Variants in ELP2 observed in about 807,000 individuals in gnomAD.
ELP2 encodes elongator acetyltransferase complex subunit 2, also known as elongator complex protein 2.
A neutral mutation model predicts 119.2 loss-of-function variants in ELP2; 90 were observed. The observed-to-expected ratio is 0.75, with a 90% CI of 0.64 to 0.90. ELP2 has a LOEUF of 0.90. Ranked by LOEUF, ELP2 falls within the 40% of genes least tolerant of loss-of-function variation. ELP2 has a pLI of 0.00. For missense variants in ELP2, 921 were observed against 967.8 expected (o/e 0.95, Z 0.64); for synonymous variants, 339 against 331.0 (o/e 1.02, Z -0.26).
chr18:36,150,716 C>T (rs945045814), intron 11 of ELP2, among the ~76,000 whole-genome samples: 1 of 152,132 alleles, frequency 6.6e-6, no homozygotes, highest in African/African-American at 2.4e-5. Context: ...TTAGCATATC[C>T]AGTTAATATT....
chr18:36,146,482 C>T (rs1449833230), intron 11 of ELP2, 101 bp downstream of exon 11: 1 of 1,313,174 alleles, frequency 7.6e-7, no homozygotes, highest in Non-Finnish European at 1.1e-6. Context: ...ATAGTAGAGG[C>T]ACTTGAAGTT....
At chr18:36,168,217 A>T (rs1200816561) in intron 19 of ELP2, among the ~76,000 whole-genome samples, 1 of 152,164 alleles carries the variant, frequency 6.6e-6, no homozygotes, top group Non-Finnish European at 1.5e-5. Flanking sequence ...AAACACTTAC[A>T]TGTCAACCTC....
At chr18:36,167,062 T>C (rs750801529) in intron 18 of ELP2, 39 bp from the exon 19 acceptor site, 1 of 1,560,286 alleles carries the variant, frequency 6.4e-7, no homozygotes, top group Non-Finnish European at 8.6e-7. Context: ...AAACCCAGCT[T>C]TCTCTGCTTT....
chr18:36,173,780 A>G (rs1360307711), intron 21 of ELP2, among the ~76,000 whole-genome samples: 1 of 151,958 alleles, frequency 6.6e-6, no homozygotes, highest in Non-Finnish European at 1.5e-5. Context: ...TAGGTTTTTC[A>G]CTTTATTCCT....
intron 12 of ELP2, among the ~76,000 whole-genome samples, chr18:36,155,635 C>T (rs747781947): frequency 6.6e-6 from 1 of 151,786 alleles, no homozygotes; most frequent in Non-Finnish European, 1.5e-5. Flanking sequence ...AACTCCTGGC[C>T]TCAAGTGATC....
chr18:36,170,212 G>T lies in ELP2; in HGVS notation c.2210+16G>T, dbSNP rs1156766468. The T allele has an allele frequency of 4.3e-6, 7 of 1,613,996 alleles. No homozygotes were observed. The Admixed American group carries it at 1.0e-4, about 23-fold the overall frequency. The stretch of plus-strand genomic sequence containing the variant: ...CTTCTCAACGGTCAGTCTCTGTGTG[G>T]GGCTTAGTTTTAAGAGGACCACTTG... On this transcript the variant is annotated intron_variant, in intron 20 of 21. Coordinates refer to ENST00000358232, the MANE Select transcript of ELP2 (RefSeq NM_018255.4).
At chr18:36,142,021 A>G (rs993500591) in intron 6 of ELP2, among the ~76,000 whole-genome samples, 1 of 152,132 alleles carries the variant, frequency 6.6e-6, no homozygotes, top group African/African-American at 2.4e-5. Context: ...TATGTATAGT[A>G]TGTATCATTT....
chr18:36,170,333 A>AG, intron 20 of ELP2, 137 bp downstream of exon 20: 1 of 1,065,932 alleles, frequency 9.4e-7, no homozygotes, highest in Non-Finnish European at 1.3e-6. Flanking sequence ...TTGTTTTGAG[A>AG]TGGAGTCTCA....
At chr18:36,149,546 C>A (rs1201642964) in intron 11 of ELP2, among the ~76,000 whole-genome samples, 2 of 124,232 alleles carry the variant, frequency 1.6e-5, no homozygotes, top group Admixed American at 1.1e-4. Context: ...TTGTTGCAGG[C>A]CTGGTCCTGG....
chr18:36,147,081 GTTTTTTTTT>G lies in ELP2; in HGVS notation c.1125+713_1125+721del, dbSNP rs61330040. ...GTTCCTCATTTGTAAAACATGGGTA[GTTTTTTTTT>G]TTTTTTTTTTTTCTTTTAACAGGAT... On this transcript the variant is annotated intron_variant, in intron 11 of 21. Coordinates refer to ENST00000358232, the MANE Select transcript of ELP2 (RefSeq NM_018255.4). 3.2e-5 allele frequency among the ~76,000 whole-genome samples: 4 copies of G among 123,436 alleles called. No individual in the cohort carries two copies. In the East Asian group the frequency reaches 7.2e-4, roughly 22 times the overall value. 81.0% of individuals were successfully genotyped at this position (123,436 alleles called of 152,430 possible).
intron 12 of ELP2, 86 bp from the exon 13 acceptor site, chr18:36,156,380 G>GTA (rs1311689751): frequency 7.9e-7 from 1 of 1,266,338 alleles, no homozygotes; most frequent in East Asian, 2.4e-5. Flanking sequence ...TATTTCCATT[G>GTA]TATAGTAAAT....
chr18:36,158,489 T>TC (rs1336044656), intron 13 of ELP2: 1 of 224,648 alleles, frequency 4.5e-6, no homozygotes, highest in African/African-American at 2.3e-5. Context: ...CTCTGGGCCT[T>TC]CCATTTTCAG....
intron 17 of ELP2, among the ~76,000 whole-genome samples, chr18:36,162,077 G>T (rs555170349): frequency 6.6e-6 from 1 of 152,194 alleles, no homozygotes; most frequent in African/African-American, 2.4e-5. Flanking sequence ...ACTATAAATG[G>T]TATGTTTAAT....
At chr18:36,143,071 C>A in intron 8 of ELP2, 105 bp downstream of exon 8, 1 of 777,138 alleles carries the variant, frequency 1.3e-6, no homozygotes, top group Admixed American at 2.8e-5. Context: ...TCACAATTGT[C>A]AGATTCCTAC....
chr18:36,139,899 G>A (rs917555091), intron 5 of ELP2: 1 of 171,498 alleles, frequency 5.8e-6, no homozygotes. Flanking sequence ...CACTCAGGCT[G>A]GAGTGCAGTG....
intron 11 of ELP2, among the ~76,000 whole-genome samples, chr18:36,150,637 A>G (rs1457016972): frequency 6.6e-6 from 1 of 152,206 alleles, no homozygotes; most frequent in African/African-American, 2.4e-5. Flanking sequence ...GAAGTGGAGA[A>G]TTTATCCTTC....
At chr18:36,156,327 C>A in intron 12 of ELP2, 139 bp from the exon 13 acceptor site, 1 of 821,736 alleles carries the variant, frequency 1.2e-6, no homozygotes, top group Non-Finnish European at 2.0e-6. Flanking sequence ...CCAATACTGC[C>A]CAGTTGTGGT....
Position 36,154,868 on chromosome 18 carries a change from AT to A in ELP2, c.1146del (p.Ile382MetfsTer13). The stretch of plus-strand genomic sequence containing the variant: ...ATTGCAGAGAGAGTGGACTCCAGAG[AT>A]TGTCATTTCAGGACACTTTGATGGT... ...TVNPREWTPE[I>X]VISGHFDGVQ... On this transcript the variant is annotated frameshift_variant, in exon 12 of 22. Coordinates refer to ENST00000358232, the MANE Select transcript of ELP2 (RefSeq NM_018255.4). LOFTEE classifies it high-confidence loss of function. 1 of 1,614,100 alleles carries A rather than the reference AT, an allele frequency of 6.2e-7. No individual in the cohort carries two copies. The highest frequency in any genetic ancestry group is 8.5e-7 in the Non-Finnish European group (1 of 1,179,998).
At chr18:36,166,319 GTTTTTTTTT>G (rs60477950) in intron 18 of ELP2, among the ~76,000 whole-genome samples, 5 of 71,692 alleles carry the variant, frequency 7.0e-5, no homozygotes, top group African/African-American at 2.2e-4. Flanking sequence ...GTTTTTTAGG[GTTTTTTTTT>G]TTTTTTTTTT....
Sources: allele counts gnomAD v4.1 joint callset (sites outside exome capture counted in the v4.1 genomes callset), GRCh38; gene constraint gnomAD v4.1.1; transcripts MANE v1.5; gene names NCBI Gene and HGNC (gene_info 2026-07-23, HGNC 2026-07-21).